The following TXNRD1 variants were observed in gnomAD, a reference collection of about 807,000 sequenced individuals.
TXNRD1 encodes thioredoxin reductase 1.
TXNRD1 carries 57 observed loss-of-function variants against 80.3 expected under a neutral mutation model. The observed-to-expected ratio is 0.71, with a 90% CI of 0.57 to 0.89. The LOEUF (loss-of-function observed/expected upper bound fraction) is 0.89. Among genes scored for constraint, TXNRD1 ranks in the 40% least tolerant of loss-of-function variants. The pLI is 0.00. For missense variants in TXNRD1, 730 were observed against 803.0 expected (o/e 0.91, Z 1.10); for synonymous variants, 291 against 285.2 (o/e 1.02, Z -0.20).
intron 13 of TXNRD1, among the ~76,000 whole-genome samples, chr12:104,328,003 A>T (rs1290676393): frequency 6.6e-6 from 1 of 151,650 alleles, no homozygotes; most frequent in Non-Finnish European, 1.5e-5. Flanking sequence ...TACTAAAAAT[A>T]CAAAAATTAG....
intron 13 of TXNRD1, 96 bp from the exon 14 acceptor site, chr12:104,331,438 C>G: frequency 1.5e-6 from 1 of 661,978 alleles, no homozygotes; most frequent in Non-Finnish European, 2.6e-6. Context: ...AAATTTATTA[C>G]TCTTATATCC....
At chr12:104,303,667 G>A in intron 4 of TXNRD1, 1 of 462,602 alleles carries the variant, frequency 2.2e-6, no homozygotes, top group South Asian at 3.3e-5. Flanking sequence ...TGGCTGGGCC[G>A]GGCCGGGGCG....
chr12:104,309,196 A>G (rs534652303), intron 4 of TXNRD1, among the ~76,000 whole-genome samples: 48 of 152,242 alleles, frequency 3.2e-4, no homozygotes, highest in Admixed American at 2.9e-3. Context: ...CACCTCACTC[A>G]GTCTCATAAT....
rs377194082 is a variant in TXNRD1 at position 104,325,352 on chromosome 12, G to A, written c.1231G>A (p.Ala411Thr). ...FVPIKVEQIE[A>T]GTPGRLRVVA... The stretch of plus-strand genomic sequence containing the variant: ...ACTCTTACAGGTTGAACAAATTGAA[G>A]CAGGGACACCAGGCCGACTCAGAGT... The change falls in exon 11 of 17, where the codon GCA becomes ACA. Residue 411 changes from alanine to threonine, a missense_variant. Physicochemically the swap from Ala to Thr is moderately conservative, Grantham distance 58. Coordinates refer to ENST00000525566, the MANE Select transcript of TXNRD1 (RefSeq NM_001093771.3). The A allele has an allele frequency of 1.9e-6, 3 of 1,612,840 alleles. No homozygotes were observed. The highest frequency in any genetic ancestry group is 2.7e-5 in the African/African-American group (2 of 74,894).
chr12:104,250,827 G>C (rs1415093007), intron 1 of TXNRD1, among the ~76,000 whole-genome samples: 1 of 152,062 alleles, frequency 6.6e-6, no homozygotes, highest in Admixed American at 6.6e-5. Flanking sequence ...GAAGAAGATG[G>C]ATAGTTTAAA....
chr12:104,254,644 AAT>A lies in TXNRD1; in HGVS notation c.243+2987_243+2988del, dbSNP rs1178469026. ...CTATGTCTATGGAAAAAAAAAAAAA[AAT>A]ATATATATATATATATATATCAGCA... is the stretch of plus-strand genomic sequence containing the variant. On this transcript the variant is annotated intron_variant, in intron 2 of 16. Coordinates refer to ENST00000525566, the MANE Select transcript of TXNRD1 (RefSeq NM_001093771.3). Among the ~76,000 whole-genome samples the A allele has an allele frequency of 3.0e-3, 284 of 93,576 alleles. 10 individuals carry two copies. The highest frequency in any genetic ancestry group is 4.4e-3 in the Non-Finnish European group (230 of 52,142). The allele number at this position is 93,576 out of a possible 152,430, so 61.4% of individuals were successfully genotyped here.
At chr12:104,336,541 G>T (rs774183838) in intron 15 of TXNRD1, among the ~76,000 whole-genome samples, 3 of 151,924 alleles carry the variant, frequency 2.0e-5, no homozygotes, top group Non-Finnish European at 4.4e-5. Context: ...ATTATCTGCT[G>T]GCTTTTGTTC....
intron 3 of TXNRD1, among the ~76,000 whole-genome samples, chr12:104,268,864 C>G (rs1156938459): frequency 6.6e-6 from 1 of 151,834 alleles, no homozygotes; most frequent in Non-Finnish European, 1.5e-5. Flanking sequence ...TCAAACCCTG[C>G]CACTGCTTAT....
intron 1 of TXNRD1, among the ~76,000 whole-genome samples, chr12:104,236,090 T>C (rs966424705): frequency 2.0e-5 from 3 of 152,184 alleles, no homozygotes; most frequent in Non-Finnish European, 4.4e-5. Context: ...ATCTTGTGGC[T>C]AGTTTCTTGG....
intron 16 of TXNRD1, among the ~76,000 whole-genome samples, chr12:104,345,806 TGAGG>T: frequency 6.6e-6 from 1 of 152,056 alleles, no homozygotes; most frequent in Non-Finnish European, 1.5e-5. Flanking sequence ...CACTCTAAAG[TGAGG>T]GAGCCTTCTG....
intron 1 of TXNRD1, among the ~76,000 whole-genome samples, chr12:104,228,912 G>A (rs985202278): frequency 6.6e-6 from 1 of 151,652 alleles, no homozygotes; most frequent in Admixed American, 6.6e-5. Context: ...GTAGAGATGG[G>A]GTTTCACTGT....
At chr12:104,284,365 C>T (rs141466123) in intron 3 of TXNRD1, 1 of 152,172 alleles carries the variant, frequency 6.6e-6, no homozygotes, top group Non-Finnish European at 1.5e-5. Context: ...GACTGAGAAG[C>T]TTGGACTTCA....
chr12:104,315,823 G>A lies in TXNRD1; in HGVS notation c.657G>A (p.Leu219=), dbSNP rs1344607373. The change falls in exon 7 of 17, where the codon CTG becomes CTA. Residue 219 remains leucine, a synonymous_variant. Coordinates refer to ENST00000525566, the MANE Select transcript of TXNRD1 (RefSeq NM_001093771.3). ...CVNVGCIPKK[L]MHQAALLGQA... is the part of the protein sequence containing the mutation. ...ATGTGGGTTGCATACCTAAAAAACT[G>A]ATGCATCAAGCAGCTTTGTTAGGAC... is the stretch of plus-strand genomic sequence containing the variant. The A allele has an allele frequency of 2.5e-6, 4 of 1,612,546 alleles. No individual in the cohort carries two copies. In the African/African-American group the frequency reaches 5.3e-5, roughly 22 times the overall value.
At chr12:104,302,802 T>C (rs373561248) in intron 4 of TXNRD1, among the ~76,000 whole-genome samples, 1 of 152,230 alleles carries the variant, frequency 6.6e-6, no homozygotes, top group East Asian at 1.9e-4. Flanking sequence ...CCCATTGTTA[T>C]GTATACTTTG....
At chr12:104,334,833 A>C (rs539876767) in intron 15 of TXNRD1, among the ~76,000 whole-genome samples, 12 of 152,304 alleles carry the variant, frequency 7.9e-5, no homozygotes, top group African/African-American at 2.9e-4. Context: ...CCCTACACTT[A>C]GTCAACAGGC....
At chr12:104,267,264 T>TTTCC in intron 3 of TXNRD1, among the ~76,000 whole-genome samples, 1 of 141,344 alleles carries the variant, frequency 7.1e-6, no homozygotes, top group Non-Finnish European at 1.5e-5. Flanking sequence ...TCTTTCTTTC[T>TTTCC]TTCTTTCTTT....
At chr12:104,277,920 A>AG (rs1271107764) in intron 3 of TXNRD1, among the ~76,000 whole-genome samples, 1 of 141,742 alleles carries the variant, frequency 7.1e-6, no homozygotes, top group Non-Finnish European at 1.5e-5. Context: ...TCTGTCACCC[A>AG]GGCTGGAGTG....
Position 104,310,297 on chromosome 12 carries a change from C to T in TXNRD1, c.415-993C>T, listed in dbSNP as rs947444878. On this transcript the variant is annotated intron_variant, in intron 4 of 16. Transcript: ENST00000525566. ...CCGGAGTAGCTGAGATTACAGGCAC[C>T]CGCCACTACACCTGGCTAATTTTTG... Among the ~76,000 whole-genome samples the T allele has an allele frequency of 3.9e-4, 60 of 152,156 alleles. 1 individual carries two copies. Among genetic ancestry groups the T allele is most frequent in the African/African-American group, 1.3e-3 (52 of 41,512 alleles).
At chr12:104,317,621 G>T (rs1300738001) in intron 7 of TXNRD1, among the ~76,000 whole-genome samples, 1 of 152,128 alleles carries the variant, frequency 6.6e-6, no homozygotes, top group Non-Finnish European at 1.5e-5. Flanking sequence ...GAAAGGATCA[G>T]TTTGAGACCA....
Sources: gnomAD v4.1 joint callset for allele counts (sites outside exome capture counted in the v4.1 genomes callset) on GRCh38, gnomAD v4.1.1 for gene constraint, MANE v1.5 for transcripts, NCBI Gene and HGNC (gene_info 2026-07-23, HGNC 2026-07-21) for gene names.